Variants in KIF5C observed in about 807,000 individuals in gnomAD.
KIF5C encodes kinesin heavy chain isoform 5C.
A neutral mutation model predicts 125.2 loss-of-function variants in KIF5C; 18 were observed. That is an observed-to-expected ratio of 0.14 (90% CI 0.10 to 0.21). The LOEUF (loss-of-function observed/expected upper bound fraction) is 0.21. KIF5C is among the 10% of genes least tolerant of loss of function. KIF5C has a pLI of 1.00. For synonymous variants in KIF5C, 405 were observed against 434.0 expected, an observed-to-expected ratio of 0.93 and a Z score of 0.83; for missense variants, 780 against 1,183.8, an observed-to-expected ratio of 0.66 and a Z score of 5.01.
intron 1 of KIF5C, among the ~76,000 whole-genome samples, chr2:148,902,116 G>A (rs1260679405): frequency 6.6e-6 from 1 of 152,088 alleles, no homozygotes; most frequent in African/African-American, 2.4e-5. Context: ...TAACAAAATG[G>A]AAATCCTTTC....
intron 1 of KIF5C, among the ~76,000 whole-genome samples, chr2:148,903,491 C>G (rs1166954435): frequency 6.6e-6 from 1 of 152,184 alleles, no homozygotes; most frequent in Non-Finnish European, 1.5e-5. Flanking sequence ...CGAACACACC[C>G]TTACTGCTGT....
At chr2:148,914,159 C>T (rs1288591313) in intron 1 of KIF5C, among the ~76,000 whole-genome samples, 1 of 152,208 alleles carries the variant, frequency 6.6e-6, no homozygotes, top group African/African-American at 2.4e-5. Flanking sequence ...GGTCTCAAAG[C>T]AGGTGAGGGG....
chr2:148,932,984 A>G (rs1047547084), intron 3 of KIF5C, among the ~76,000 whole-genome samples: 2 of 152,196 alleles, frequency 1.3e-5, no homozygotes, highest in Non-Finnish European at 2.9e-5. Context: ...GTTTGCGGAT[A>G]GAATTATACA....
intron 18 of KIF5C, chr2:148,997,877 G>A (rs1172741657): frequency 6.1e-6 from 1 of 165,222 alleles, no homozygotes; most frequent in South Asian, 1.7e-4. Context: ...AGACGTCCAC[G>A]GCATGCCCTT....
chr2:148,886,952 T>C (rs1197299924), intron 1 of KIF5C, among the ~76,000 whole-genome samples: 5 of 152,156 alleles, frequency 3.3e-5, no homozygotes, highest in Non-Finnish European at 7.3e-5. Context: ...GTCTAGACAT[T>C]TATCCAAAAG....
chr2:149,002,010 T>TG (rs1681864017), intron 21 of KIF5C, among the ~76,000 whole-genome samples: 1 of 152,218 alleles, frequency 6.6e-6, no homozygotes, highest in South Asian at 2.1e-4. Flanking sequence ...AGAAGATGCC[T>TG]GTGTCCAAAG....
intron 25 of KIF5C, among the ~76,000 whole-genome samples, chr2:149,014,665 C>T (rs951379541): frequency 2.0e-5 from 3 of 152,206 alleles, no homozygotes; most frequent in Admixed American, 1.3e-4. Context: ...TGAGGTCATG[C>T]TTCTAAGCCC....
intron 1 of KIF5C, among the ~76,000 whole-genome samples, chr2:148,915,956 C>G (rs62182688): frequency 6.6e-6 from 1 of 152,196 alleles, no homozygotes; most frequent in Non-Finnish European, 1.5e-5. Flanking sequence ...CCCCCCAACT[C>G]TTAATAGCCA....
chr2:148,974,103 T>C (rs1332559115), intron 12 of KIF5C, among the ~76,000 whole-genome samples: 1 of 152,174 alleles, frequency 6.6e-6, no homozygotes, highest in Non-Finnish European at 1.5e-5. Context: ...CAAATAGTCA[T>C]GTAAATGCAC....
chr2:148,909,098 ATT>A (rs1681231169), intron 1 of KIF5C, among the ~76,000 whole-genome samples: 1 of 152,244 alleles, frequency 6.6e-6, no homozygotes. Context: ...AGATCAGGCC[ATT>A]CATTTGCTTC....
At chr2:148,915,806 T>C (rs1266603909) in intron 1 of KIF5C, among the ~76,000 whole-genome samples, 1 of 152,146 alleles carries the variant, frequency 6.6e-6, no homozygotes, top group African/African-American at 2.4e-5. Flanking sequence ...AGGACCCATA[T>C]AGAGTGCGCC....
intron 2 of KIF5C, 86 bp downstream of exon 2, chr2:148,922,313 C>A: frequency 1.2e-6 from 1 of 832,114 alleles, no homozygotes; most frequent in Non-Finnish European, 1.9e-6. Flanking sequence ...AATCAATGTG[C>A]CTTGACTGTA....
At chr2:148,985,029 C>G (rs1391907283) in intron 15 of KIF5C, among the ~76,000 whole-genome samples, 1 of 152,046 alleles carries the variant, frequency 6.6e-6, no homozygotes, top group Non-Finnish European at 1.5e-5. Flanking sequence ...TCTCGAATTC[C>G]TGGCCTCAAG....
intron 2 of KIF5C, among the ~76,000 whole-genome samples, chr2:148,927,650 G>A (rs1369754311): frequency 6.6e-6 from 1 of 152,124 alleles, no homozygotes; most frequent in East Asian, 1.9e-4. Context: ...ACCTAAGGGT[G>A]GGACCTTTTT....
rs557787880 is a variant in KIF5C at position 148,936,752 on chromosome 2, T to C, written c.292-532T>C. ...GGAACCACAGATTTTTAAAAGAAGT[T>C]GATGAAATGTATTTTCTTGATTGAT... On this transcript the variant is annotated intron_variant, in intron 3 of 25. Transcript: ENST00000435030. Among the ~76,000 whole-genome samples the C allele has an allele frequency of 1.4e-3, 217 of 152,352 alleles. 1 individual carries two copies. Among genetic ancestry groups the C allele is most frequent in the African/African-American group, 5.0e-3 (208 of 41,590 alleles).
At chr2:148,983,356 GCTTAA>G (rs1222579079) in intron 14 of KIF5C, among the ~76,000 whole-genome samples, 3 of 152,098 alleles carry the variant, frequency 2.0e-5, no homozygotes, top group African/African-American at 4.8e-5. Context: ...TTCCTTTTTG[GCTTAA>G]CTTATTTCCC....
rs544139186 is a variant in KIF5C at position 148,938,923 on chromosome 2, T to TA, written c.396+1547dup. Among the ~76,000 whole-genome samples the TA allele has an allele frequency of 9.8e-3, 1,392 of 141,780 alleles. 12 individuals are homozygous for TA. Among genetic ancestry groups the TA allele is most frequent in the Middle Eastern group, 0.044 (12 of 274 alleles). The allele number at this position is 141,780 out of a possible 152,430, so 93.0% of individuals were successfully genotyped here. On this transcript the variant is annotated intron_variant, in intron 4 of 25. Transcript: ENST00000435030. ...CAACATGGTGAAACCCTGTCTCAAC[T>TA]AAAAAAAAAAAATACAAAAAAAGTA... is the stretch of plus-strand genomic sequence containing the variant.
chr2:148,878,020 G>GT (rs756476153), intron 1 of KIF5C: 3 of 152,156 alleles, frequency 2.0e-5, no homozygotes, highest in Non-Finnish European at 4.4e-5. Context: ...CAACCGTAAA[G>GT]TAAGTTTTGC....
intron 11 of KIF5C, among the ~76,000 whole-genome samples, chr2:148,971,597 C>T (rs946402211): frequency 2.0e-5 from 3 of 152,174 alleles, no homozygotes; most frequent in African/African-American, 7.2e-5. Flanking sequence ...TTAAGTATAG[C>T]AGTCTTGTTG....
Sources: allele counts gnomAD v4.1 joint callset (sites outside exome capture counted in the v4.1 genomes callset), GRCh38; gene constraint gnomAD v4.1.1; transcripts MANE v1.5; gene names NCBI Gene and HGNC (gene_info 2026-07-23, HGNC 2026-07-21).